The following LUC7L2 variants were observed in gnomAD, a reference collection of about 807,000 sequenced individuals.
LUC7L2 encodes putative RNA-binding protein Luc7-like 2.
LUC7L2 carries 25 observed loss-of-function variants against 52.8 expected under a neutral mutation model. The observed-to-expected ratio is 0.47, with a 90% confidence interval of 0.34 to 0.66. The LOEUF is 0.66. LUC7L2 is among the 30% of genes least tolerant of loss of function. The pLI is 0.01. For synonymous variants in LUC7L2, 144 were observed against 160.9 expected (o/e 0.89, Z 0.80); for missense variants, 328 against 497.8 (o/e 0.66, Z 3.25).
chr7:139,380,355 A>T (rs1800943037), intron 2 of LUC7L2, among the ~76,000 whole-genome samples: 1 of 151,912 alleles, frequency 6.6e-6, no homozygotes, highest in Admixed American at 6.6e-5. Flanking sequence ...GCACTTTGGG[A>T]GGCCGAGGGG....
Position 139,418,892 on chromosome 7 carries a change from C to T in LUC7L2, c.1001+1163C>T, listed in dbSNP as rs554936212. Among the ~76,000 whole-genome samples, 12 of 152,162 alleles carry T rather than the reference C, an allele frequency of 7.9e-5. No homozygotes were observed. The South Asian group carries it at 2.1e-3, about 26-fold the overall frequency. Reference sequence around the variant, plus strand: ...CAGCACTTTGGGAGACCGAGATGGGCGTATCACTTGAGATCAGGAGTTCAA... The same window carrying T: ...CAGCACTTTGGGAGACCGAGATGGGTGTATCACTTGAGATCAGGAGTTCAA... On this transcript the variant is annotated intron_variant, in intron 9 of 9. Transcript: ENST00000354926.
intron 1 of LUC7L2, among the ~76,000 whole-genome samples, chr7:139,360,748 A>C (rs1199162242): frequency 6.6e-6 from 1 of 152,118 alleles, no homozygotes; most frequent in Admixed American, 6.5e-5. Flanking sequence ...CAGAGTACCT[A>C]GAGAGAAGCT....
At chr7:139,362,899 A>G (rs1799959581) in intron 1 of LUC7L2, among the ~76,000 whole-genome samples, 1 of 152,182 alleles carries the variant, frequency 6.6e-6, no homozygotes, top group African/African-American at 2.4e-5. Context: ...TGAATTACAT[A>G]AAGTAGTTAA....
At position 139,422,208 on chromosome 7, in the gene LUC7L2, C is replaced by T; in HGVS notation, c.1047C>T (p.Asp349=). ...GAGACCAAGACTTAGCATCATGTGA[C>T]AGAGACAGGAGTTCAAGAGACAGAT... ...RFRDQDLASC[D]RDRSSRDRSP... The change falls in exon 10 of 10, where the codon GAC becomes GAT. Residue 349 remains aspartate, a synonymous_variant. Transcript: ENST00000354926. The T allele has an allele frequency of 6.2e-7, 1 of 1,613,916 alleles. No homozygotes were observed. Among genetic ancestry groups the T allele is most frequent in the Non-Finnish European group, 8.5e-7 (1 of 1,179,962 alleles).
Position 139,392,451 on chromosome 7 carries a change from T to G in LUC7L2, c.157-6148T>G, listed in dbSNP as rs865899497. The G allele has an allele frequency of 7.3e-6, 3 of 411,144 alleles. No homozygotes were observed. The Admixed American group carries it at 8.6e-5, about 12-fold the overall frequency. 25.5% of individuals were successfully genotyped at this position (411,144 alleles called of 1,614,324 possible). A position where few individuals can be genotyped will look rare whatever the true frequency, so the allele number is the denominator to read the frequency against. ...TTGTTAGTAAAACAATATAAAATGC[T>G]GTGGAGCTATAAGTTACCAGGATCA... On this transcript the variant is annotated intron_variant, in intron 2 of 9. Transcript: ENST00000354926.
chr7:139,360,151 G>A lies in LUC7L2; in HGVS notation c.-111G>A. ...CCTTTCCGCACGCCTCGAGGCGGCGGCGGCCACCGAGACAGCAGCGCACCT... is the reference window on the plus strand; with the variant it reads ...CCTTTCCGCACGCCTCGAGGCGGCGACGGCCACCGAGACAGCAGCGCACCT... On this transcript the variant is annotated 5_prime_UTR_variant, in exon 1 of 10. Transcript: ENST00000354926. 1.3e-6 allele frequency: 1 copy of A among 745,520 alleles called. No homozygotes were observed. The highest frequency in any genetic ancestry group is 2.1e-6 in the Non-Finnish European group (1 of 472,038). The allele number at this position is 745,520 out of a possible 1,614,324, so 46.2% of individuals were successfully genotyped here.
intron 2 of LUC7L2, among the ~76,000 whole-genome samples, chr7:139,387,928 G>T (rs1345010338): frequency 6.6e-6 from 1 of 152,018 alleles, no homozygotes; most frequent in Non-Finnish European, 1.5e-5. Flanking sequence ...TGGTTCTCTT[G>T]TTTGACCAAA....
chr7:139,364,965 T>G (rs1800079093), intron 1 of LUC7L2, among the ~76,000 whole-genome samples: 1 of 152,266 alleles, frequency 6.6e-6, no homozygotes, highest in Non-Finnish European at 1.5e-5. Context: ...GCCTTTAATG[T>G]ATACGCAGAC....
Position 139,399,449 on chromosome 7 carries a change from ATTTTTTTTTTTTTTTTTT to A in LUC7L2, c.255+773_255+790del, listed in dbSNP as rs71169090. Among the ~76,000 whole-genome samples the A allele has an allele frequency of 3.8e-3, 191 of 50,454 alleles. 1 individual carries two copies. In the East Asian group the frequency reaches 0.06, roughly 16 times the overall value. The allele number at this position is 50,454 out of a possible 152,430, so 33.1% of individuals were successfully genotyped here. The stretch of plus-strand genomic sequence containing the variant: ...GGACATGCATATGGGTGTTTGGGGG[ATTTTTTTTTTTTTTTTTT>A]TTTTTTTTTTTTTTTTTTTTGAGAC... On this transcript the variant is annotated intron_variant, in intron 3 of 9. Transcript: ENST00000354926.
intron 1 of LUC7L2, among the ~76,000 whole-genome samples, chr7:139,351,637 C>T (rs1008702918): frequency 1.3e-5 from 2 of 152,176 alleles, no homozygotes; most frequent in African/African-American, 2.4e-5. Context: ...CTTGCCAGAC[C>T]TCTTCAGCTT....
At chr7:139,390,916 T>C (rs1450441996) in intron 2 of LUC7L2, among the ~76,000 whole-genome samples, 3 of 152,216 alleles carry the variant, frequency 2.0e-5, no homozygotes, top group African/African-American at 7.2e-5. Context: ...TTTCCAATTA[T>C]ACATCACCCT....
Position 139,409,669 on chromosome 7 carries a change from G to T in LUC7L2, c.779+15G>T, listed in dbSNP as rs754471383. On this transcript the variant is annotated intron_variant, in intron 7 of 9. Coordinates refer to ENST00000354926, the MANE Select transcript of LUC7L2 (RefSeq NM_016019.5). ...AAGCTGAGGAGGTATGGAGTAATGG[G>T]CCAAGTAATTGAAGTTGAATCTCTG... is the stretch of plus-strand genomic sequence containing the variant. The T allele has an allele frequency of 1.9e-6, 3 of 1,579,530 alleles. No homozygotes were observed. Among genetic ancestry groups the T allele is most frequent in the Non-Finnish European group, 2.6e-6 (3 of 1,166,568 alleles).
chr7:139,374,601 A>G (rs1375436356), intron 1 of LUC7L2: 1 of 1,501,398 alleles, frequency 6.7e-7, no homozygotes, highest in Non-Finnish European at 8.9e-7. Flanking sequence ...TGAATATTCC[A>G]AATTGTGTCA....
chr7:139,371,631 GGTT>G (rs1265914148), intron 1 of LUC7L2, among the ~76,000 whole-genome samples: 3 of 152,140 alleles, frequency 2.0e-5, no homozygotes. Flanking sequence ...CCTAGGCTAA[GGTT>G]GTAATGTTAC....
At chr7:139,355,513 A>C (rs149302867), upstream of LUC7L2, among the ~76,000 whole-genome samples, 19 of 152,314 alleles carry the variant, frequency 1.2e-4, no homozygotes, top group Non-Finnish European at 1.9e-4. Context: ...AAGGTCAAAG[A>C]AGCAGCCAAG....
At chr7:139,413,594 A>G (rs76809042) in intron 8 of LUC7L2, among the ~76,000 whole-genome samples, 19 of 152,322 alleles carry the variant, frequency 1.2e-4, no homozygotes, top group Admixed American at 2.6e-4. Flanking sequence ...CCTGGCCAAC[A>G]TGGCGAAACT....
chr7:139,380,248 G>T (rs1037400072), intron 2 of LUC7L2, among the ~76,000 whole-genome samples: 6 of 152,060 alleles, frequency 3.9e-5, no homozygotes, highest in African/African-American at 1.4e-4. Context: ...TACGTTTAAT[G>T]ATTTTTATAA....
chr7:139,360,478 C>T (rs1441135794), intron 1 of LUC7L2, among the ~76,000 whole-genome samples, 156 bp downstream of exon 1: 1 of 152,204 alleles, frequency 6.6e-6, no homozygotes, highest in Non-Finnish European at 1.5e-5. Context: ...CCAATCAGGG[C>T]TCGGCAGGCG....
At chr7:139,374,014 G>A (rs1201267415) in intron 1 of LUC7L2, among the ~76,000 whole-genome samples, 1 of 151,976 alleles carries the variant, frequency 6.6e-6, no homozygotes, top group Non-Finnish European at 1.5e-5. Flanking sequence ...TTAAATGGTA[G>A]GAAGCAAAAA....
Sources: gnomAD v4.1 joint callset for allele counts (sites outside exome capture counted in the v4.1 genomes callset) on GRCh38, gnomAD v4.1.1 for gene constraint, MANE v1.5 for transcripts, NCBI Gene and HGNC (gene_info 2026-07-23, HGNC 2026-07-21) for gene names.